Variants in FHOD3 observed in about 807,000 individuals in gnomAD.
FHOD3 encodes the protein formin homology 2 domain containing 3.
Under a neutral mutation model 173.0 loss-of-function variants are expected in FHOD3, and 90 were observed. That is an observed-to-expected ratio of 0.52 (90% confidence interval 0.44 to 0.62). FHOD3 has a LOEUF of 0.62. FHOD3 is among the 20% of genes least tolerant of loss of function. FHOD3 has a pLI of 0.00. For missense variants in FHOD3, 1,945 were observed against 2,034.7 expected (o/e 0.96, Z 0.85); for synonymous variants, 828 against 823.0 (o/e 1.01, Z -0.10).
intron 3 of FHOD3, among the ~76,000 whole-genome samples, chr18:36,401,014 G>C (rs1286743780): frequency 2.6e-5 from 4 of 152,140 alleles, no homozygotes; most frequent in Non-Finnish European, 4.4e-5. Flanking sequence ...TGGAGGGAGG[G>C]GTGGATCACT....
At chr18:36,485,468 C>T (rs936912496) in intron 3 of FHOD3, among the ~76,000 whole-genome samples, 1 of 152,158 alleles carries the variant, frequency 6.6e-6, no homozygotes, top group African/African-American at 2.4e-5. Flanking sequence ...GGTGGTTTCT[C>T]TTAGCAGCTC....
At chr18:36,601,159 T>A (rs2031326704) in intron 7 of FHOD3, among the ~76,000 whole-genome samples, 1 of 152,190 alleles carries the variant, frequency 6.6e-6, no homozygotes, top group Admixed American at 6.5e-5. Flanking sequence ...AATTCAGTAG[T>A]CAGCAGGTGA....
At chr18:36,700,531 T>C (rs552136227) in intron 17 of FHOD3, among the ~76,000 whole-genome samples, 13 of 152,330 alleles carry the variant, frequency 8.5e-5, no homozygotes, top group African/African-American at 2.9e-4. Flanking sequence ...TTTGTGTTGT[T>C]TTCTCTCAAA....
chr18:36,632,515 T>G (rs1343605721), intron 10 of FHOD3, among the ~76,000 whole-genome samples: 1 of 152,164 alleles, frequency 6.6e-6, no homozygotes, highest in African/African-American at 2.4e-5. Flanking sequence ...TTTTGACCAT[T>G]TTTTCTGTCT....
chr18:36,596,141 T>G (rs538368553), intron 7 of FHOD3, among the ~76,000 whole-genome samples: 3 of 151,874 alleles, frequency 2.0e-5, no homozygotes, highest in Admixed American at 6.6e-5. Context: ...TCTGTGATTT[T>G]TTTTTGTTTT....
intron 3 of FHOD3, among the ~76,000 whole-genome samples, chr18:36,465,063 C>T (rs1440859071): frequency 6.6e-6 from 1 of 152,192 alleles, no homozygotes; most frequent in African/African-American, 2.4e-5. Flanking sequence ...CGCTGTGGCT[C>T]ACGCCTGTAA....
intron 6 of FHOD3, among the ~76,000 whole-genome samples, chr18:36,581,298 G>T (rs912925061): frequency 1.3e-5 from 2 of 152,192 alleles, no homozygotes; most frequent in African/African-American, 4.8e-5. Context: ...GGAGTAAGAT[G>T]ATTCAGTCTA....
At chr18:36,631,780 C>T (rs1220783903) in intron 10 of FHOD3, among the ~76,000 whole-genome samples, 1 of 152,176 alleles carries the variant, frequency 6.6e-6, no homozygotes, top group Non-Finnish European at 1.5e-5. Flanking sequence ...CTAAATAACC[C>T]TTATTTCTGT....
At chr18:36,568,870 C>T (rs911645242) in intron 5 of FHOD3, among the ~76,000 whole-genome samples, 32 of 152,076 alleles carry the variant, frequency 2.1e-4, no homozygotes, top group Non-Finnish European at 2.6e-4. Flanking sequence ...AAAGATAGAT[C>T]ACCACCCCTG....
rs561677931 is a variant in FHOD3 at position 36,746,274 on chromosome 18, G to C, written c.4042-671G>C. 2.6e-5 allele frequency among the ~76,000 whole-genome samples: 4 copies of C among 152,334 alleles called. No homozygotes were observed. The East Asian group carries it at 7.7e-4, about 29-fold the overall frequency. On this transcript the variant is annotated intron_variant, in intron 23 of 28. Coordinates refer to ENST00000590592, the MANE Select transcript of FHOD3 (RefSeq NM_001281740.3). Reference sequence around the variant, plus strand: ...CACACACAGGCACACACACGAGCCTGGTGGGGTCTGTGTGTCCTTCAGAGT... The same window carrying C: ...CACACACAGGCACACACACGAGCCTCGTGGGGTCTGTGTGTCCTTCAGAGT...
intron 27 of FHOD3, among the ~76,000 whole-genome samples, 182 bp from the exon 28 acceptor site, chr18:36,769,083 G>A (rs561145319): frequency 3.9e-5 from 6 of 152,188 alleles, no homozygotes; most frequent in Non-Finnish European, 7.3e-5. Flanking sequence ...GAGTTATGGT[G>A]GTGCTCCCTG....
At chr18:36,637,446 G>A (rs1276003534) in intron 10 of FHOD3, among the ~76,000 whole-genome samples, 2 of 152,012 alleles carry the variant, frequency 1.3e-5, no homozygotes, top group East Asian at 3.9e-4. Flanking sequence ...AGTAGAGATG[G>A]GATTTTACCA....
At chr18:36,553,183 TG>T (rs965038439) in intron 5 of FHOD3, among the ~76,000 whole-genome samples, 3 of 152,202 alleles carry the variant, frequency 2.0e-5, no homozygotes, top group Non-Finnish European at 4.4e-5. Context: ...TTGATCATGG[TG>T]GATAAGCTTT....
At position 36,497,782 on chromosome 18, in the gene FHOD3, C is replaced by G. The variant is rs543469201; in HGVS notation, c.338-4150C>G. 2.8e-3 allele frequency among the ~76,000 whole-genome samples: 426 copies of G among 152,258 alleles called. 9 individuals carry two copies. The highest frequency in any genetic ancestry group is 5.7e-4 in the Non-Finnish European group (39 of 68,014). On this transcript the variant is annotated intron_variant, in intron 3 of 28. Coordinates refer to ENST00000590592, the MANE Select transcript of FHOD3 (RefSeq NM_001281740.3). ...TGGAGACTTCAACTCTCCTTTCACA[C>G]TAATCTATAGAACAAGTAAATGGAA...
At chr18:36,597,536 C>T (rs1383673226) in intron 7 of FHOD3, among the ~76,000 whole-genome samples, 2 of 152,134 alleles carry the variant, frequency 1.3e-5, no homozygotes, top group African/African-American at 4.8e-5. Flanking sequence ...ACGCCATTCT[C>T]CTGCCTCAGC....
In FHOD3 at chr18:36,384,851, A is replaced by G. The variant is rs576460985; in HGVS notation, c.337+12107A>G. On this transcript the variant is annotated intron_variant, in intron 3 of 28. Transcript: ENST00000590592. ...TGATGATGCAAATGGTCAAGGAGAT[A>G]GTGAGTGTGCAGGTCCAGGCTAAGC... is the stretch of plus-strand genomic sequence containing the variant. Among the ~76,000 whole-genome samples the G allele has an allele frequency of 1.1e-3, 174 of 152,278 alleles. 1 individual carries two copies. The highest frequency in any genetic ancestry group is 4.0e-3 in the African/African-American group (165 of 41,540).
intron 19 of FHOD3, among the ~76,000 whole-genome samples, chr18:36,729,901 T>G (rs2041267039): frequency 1.3e-5 from 2 of 152,186 alleles, no homozygotes; most frequent in African/African-American, 4.8e-5. Flanking sequence ...ACAGGCCACC[T>G]GGGAAGCCAC....
At chr18:36,593,632 G>C (rs934150671) in intron 6 of FHOD3, among the ~76,000 whole-genome samples, 1 of 152,170 alleles carries the variant, frequency 6.6e-6, no homozygotes, top group East Asian at 1.9e-4. Context: ...TTGGGCTGCA[G>C]AACACAGGAA....
chr18:36,668,447 T>C (rs2037324499), intron 14 of FHOD3, among the ~76,000 whole-genome samples: 1 of 152,056 alleles, frequency 6.6e-6, no homozygotes, highest in African/African-American at 2.4e-5. Flanking sequence ...TTATCAATTT[T>C]TTTTTGACCA....
Sources: gnomAD v4.1 joint callset for allele counts (sites outside exome capture counted in the v4.1 genomes callset) on GRCh38, gnomAD v4.1.1 for gene constraint, MANE v1.5 for transcripts, NCBI Gene and HGNC (gene_info 2026-07-23, HGNC 2026-07-21) for gene names.